The following FAM110B variants were observed in gnomAD, a reference collection of about 807,000 sequenced individuals.
FAM110B encodes family with sequence similarity 110 member B.
A neutral mutation model predicts 20.4 loss-of-function variants in FAM110B; 6 were observed. The observed-to-expected ratio is 0.29, with a 90% CI of 0.16 to 0.58. The LOEUF is 0.58. FAM110B is among the 20% of genes least tolerant of loss of function. The pLI is 0.90. For missense variants in FAM110B, 434 were observed against 498.2 expected (o/e 0.87, Z 1.23); for synonymous variants, 226 against 214.1 (o/e 1.06, Z -0.49).
At chr8:58,003,131 G>C (rs1804332735) in intron 1 of FAM110B, among the ~76,000 whole-genome samples, 3 of 152,328 alleles carry the variant, frequency 2.0e-5, no homozygotes, top group South Asian at 4.1e-4. Context: ...ATCTTCAGCA[G>C]GAGTAGATTC....
intron 3 of FAM110B, among the ~76,000 whole-genome samples, chr8:58,094,453 C>T (rs1806569164): frequency 6.6e-6 from 1 of 152,110 alleles, no homozygotes; most frequent in Non-Finnish European, 1.5e-5. Flanking sequence ...GAGTTTTTAG[C>T]ATGAAGGGGT....
At chr8:58,015,907 G>C (rs2150567606) in intron 1 of FAM110B, among the ~76,000 whole-genome samples, 1 of 151,146 alleles carries the variant, frequency 6.6e-6, no homozygotes, top group East Asian at 1.9e-4. Context: ...CCAGTTAAAT[G>C]AGTATTACAT....
intron 3 of FAM110B, among the ~76,000 whole-genome samples, chr8:58,140,623 T>C (rs1357234360): frequency 6.6e-6 from 1 of 152,176 alleles, no homozygotes; most frequent in Non-Finnish European, 1.5e-5. Flanking sequence ...AAAATACAAG[T>C]ATGACCATGT....
At chr8:58,057,503 G>A (rs1215219151) in intron 2 of FAM110B, among the ~76,000 whole-genome samples, 1 of 152,104 alleles carries the variant, frequency 6.6e-6, no homozygotes, top group African/African-American at 2.4e-5. Context: ...ATACTGCTGT[G>A]AACCAACCTT....
At chr8:58,059,926 G>C (rs28760587) in intron 2 of FAM110B, among the ~76,000 whole-genome samples, 2 of 152,060 alleles carry the variant, frequency 1.3e-5, no homozygotes, top group East Asian at 3.9e-4. Flanking sequence ...TGTGAGGTAA[G>C]GGTCAGCGTT....
Position 58,147,504 on chromosome 8 carries a change from C to T in FAM110B, c.*161C>T, listed in dbSNP as rs1585926599. 1.2e-6 allele frequency: 1 copy of T among 862,358 alleles called. No individual in the cohort carries two copies. Among genetic ancestry groups the T allele is most frequent in the Non-Finnish European group, 1.8e-6 (1 of 564,166 alleles). The allele number at this position is 862,358 out of a possible 1,614,324, so 53.4% of individuals were successfully genotyped here. A position where few individuals can be genotyped will look rare whatever the true frequency, so the allele number is the denominator to read the frequency against. On this transcript the variant is annotated 3_prime_UTR_variant, in exon 4 of 4. Coordinates refer to ENST00000519262, the MANE Select transcript of FAM110B (RefSeq NM_001377989.1). ...GTCAACATGGGGACTGACCTGGCTT[C>T]CACGTCACCATCGCTACAGAGCCTG... is the stretch of plus-strand genomic sequence containing the variant.
intron 3 of FAM110B, among the ~76,000 whole-genome samples, chr8:58,081,371 T>TC (rs1275148344): frequency 2.6e-5 from 4 of 152,162 alleles, no homozygotes; most frequent in Non-Finnish European, 5.9e-5. Flanking sequence ...CATGCCTGGC[T>TC]AATTTTTATA....
At chr8:57,995,632 T>C (rs183716319) in intron 1 of FAM110B, among the ~76,000 whole-genome samples, 75 of 152,238 alleles carry the variant, frequency 4.9e-4, no homozygotes, top group African/African-American at 1.7e-3. Context: ...TCCCTTAAGC[T>C]GGCTCGTGGG....
chr8:58,128,869 A>G (rs2150632464), intron 3 of FAM110B, among the ~76,000 whole-genome samples: 1 of 152,246 alleles, frequency 6.6e-6, no homozygotes, highest in African/African-American at 2.4e-5. Context: ...TCATCTCCCT[A>G]GGATAACTTT....
At chr8:58,053,529 A>G (rs1051503271) in intron 2 of FAM110B, among the ~76,000 whole-genome samples, 2 of 152,182 alleles carry the variant, frequency 1.3e-5, no homozygotes, top group Admixed American at 6.5e-5. Flanking sequence ...GTAGTTGGCT[A>G]TTGGATACAC....
At chr8:58,128,447 G>A (rs1421125204) in intron 3 of FAM110B, among the ~76,000 whole-genome samples, 1 of 152,112 alleles carries the variant, frequency 6.6e-6, no homozygotes. Context: ...CACCCTGTGA[G>A]GCCCTGTTTT....
At chr8:58,053,753 G>A (rs767705965) in intron 2 of FAM110B, among the ~76,000 whole-genome samples, 1 of 151,886 alleles carries the variant, frequency 6.6e-6, no homozygotes, top group African/African-American at 2.4e-5. Flanking sequence ...TCAATATTTG[G>A]CTTAACTTAA....
intron 2 of FAM110B, among the ~76,000 whole-genome samples, chr8:58,062,587 T>C (rs1805679659): frequency 6.6e-6 from 1 of 152,208 alleles, no homozygotes; most frequent in Admixed American, 6.5e-5. Context: ...TATTTTGTAC[T>C]GTGGAAGTAA....
At chr8:58,077,920 A>G (rs1384783437) in intron 3 of FAM110B, among the ~76,000 whole-genome samples, 2 of 152,220 alleles carry the variant, frequency 1.3e-5, no homozygotes, top group Non-Finnish European at 2.9e-5. Context: ...AATGTGTGCA[A>G]GTTACTTGGA....
chr8:58,038,397 A>C (rs549255961), intron 2 of FAM110B, among the ~76,000 whole-genome samples: 1 of 152,234 alleles, frequency 6.6e-6, no homozygotes, highest in East Asian at 1.9e-4. Context: ...AACGGAGATC[A>C]TTTCACAATT....
intron 2 of FAM110B, among the ~76,000 whole-genome samples, chr8:58,058,601 A>G (rs1489544202): frequency 6.6e-6 from 1 of 152,186 alleles, no homozygotes; most frequent in Non-Finnish European, 1.5e-5. Context: ...AAGGCACAAT[A>G]TGACATTGAA....
At chr8:58,145,761 C>A (rs963614907) in intron 3 of FAM110B, 146 bp from the exon 4 acceptor site, 1 of 152,970 alleles carries the variant, frequency 6.5e-6, no homozygotes, top group African/African-American at 2.4e-5. Flanking sequence ...GTCCCCCTCG[C>A]GCGGTCGGGA....
chr8:58,010,369 C>G (rs374475632), intron 1 of FAM110B, among the ~76,000 whole-genome samples: 9 of 152,182 alleles, frequency 5.9e-5, no homozygotes, highest in African/African-American at 2.2e-4. Context: ...CTGAGCTGTC[C>G]TCCAGCTTCC....
At chr8:58,049,682 ACTGT>A (rs748450600) in intron 2 of FAM110B, among the ~76,000 whole-genome samples, 1 of 152,224 alleles carries the variant, frequency 6.6e-6, no homozygotes, top group African/African-American at 2.4e-5. Context: ...TTCCTAACAG[ACTGT>A]CTGTGTCTTT....
Sources: gnomAD v4.1 joint callset for allele counts (sites outside exome capture counted in the v4.1 genomes callset) on GRCh38, gnomAD v4.1.1 for gene constraint, MANE v1.5 for transcripts, NCBI Gene and HGNC (gene_info 2026-07-23, HGNC 2026-07-21) for gene names.